The following EPM2A variants were observed in gnomAD, a reference collection of about 807,000 sequenced individuals.
EPM2A encodes the protein EPM2A glucan phosphatase, laforin, also known as laforin.
In EPM2A, 21 loss-of-function variants were observed where a neutral mutation model predicts 26.5. The ratio of observed to expected loss-of-function variants is 0.79; its 90% confidence interval spans 0.56 to 1.14. The LOEUF is 1.14. EPM2A is among the 50% of genes most tolerant of loss of function. EPM2A has a pLI of 0.00. For missense variants in EPM2A, 458 were observed against 440.8 expected, an observed-to-expected ratio of 1.04 and a Z score of -0.35; for synonymous variants, 217 against 177.6, an observed-to-expected ratio of 1.22 and a Z score of -1.76.
At chr6:145,410,920 G>C (rs542073003) in intron 4 of EPM2A, among the ~76,000 whole-genome samples, 1 of 152,294 alleles carries the variant, frequency 6.6e-6, no homozygotes, top group South Asian at 2.1e-4. Flanking sequence ...TTATTGTTAT[G>C]AATAGTATAT....
intron 4 of EPM2A, among the ~76,000 whole-genome samples, chr6:145,436,450 T>C (rs1210943319): frequency 6.6e-6 from 1 of 152,174 alleles, no homozygotes; most frequent in Non-Finnish European, 1.5e-5. Flanking sequence ...ACCATTTACA[T>C]TTCCACCAGC....
chr6:145,597,617 G>A (rs1402602717), intron 2 of EPM2A, among the ~76,000 whole-genome samples: 1 of 151,684 alleles, frequency 6.6e-6, no homozygotes, highest in Admixed American at 6.6e-5. Flanking sequence ...TACATGTGAA[G>A]GTTTGTTACA....
In EPM2A at chr6:145,646,342, T is replaced by A. The variant is rs1777461419; in HGVS notation, c.477-10856A>T. 5.3e-5 allele frequency among the ~76,000 whole-genome samples: 8 copies of A among 151,654 alleles called. No individual in the cohort carries two copies. The South Asian group carries it at 1.7e-3, about 32-fold the overall frequency. ...TGGCTAATTTTTTTTTTTAATTTTT[T>A]ATTTTTTGTATTTTTAGTAGAGATG... On this transcript the variant is annotated intron_variant, in intron 2 of 3. Coordinates refer to ENST00000367519, the MANE Select transcript of EPM2A (RefSeq NM_005670.4).
At chr6:145,436,327 C>G (rs569616178) in intron 4 of EPM2A, among the ~76,000 whole-genome samples, 2 of 152,128 alleles carry the variant, frequency 1.3e-5, no homozygotes, top group Admixed American at 6.5e-5. Context: ...TTTGTGTGAA[C>G]GTATCTTTTC....
At chr6:145,583,642 C>T (rs1781146213) in intron 2 of EPM2A, among the ~76,000 whole-genome samples, 1 of 152,220 alleles carries the variant, frequency 6.6e-6, no homozygotes, top group South Asian at 2.1e-4. Context: ...TCCATGCTTG[C>T]TCACATGTGA....
chr6:145,524,774 T>C (rs918625019), intron 2 of EPM2A, among the ~76,000 whole-genome samples: 5 of 152,168 alleles, frequency 3.3e-5, no homozygotes, highest in Non-Finnish European at 7.4e-5. Flanking sequence ...TTAGTTTAAT[T>C]AGGCACTACT....
At chr6:145,646,355 T>G (rs1307075448) in intron 2 of EPM2A, among the ~76,000 whole-genome samples, 2 of 151,956 alleles carry the variant, frequency 1.3e-5, no homozygotes, top group Non-Finnish European at 2.9e-5. Context: ...TTTTTGTATT[T>G]TTAGTAGAGA....
At chr6:145,720,006 G>GT (rs1481424712) in intron 1 of EPM2A, among the ~76,000 whole-genome samples, 6 of 152,000 alleles carry the variant, frequency 3.9e-5, no homozygotes, top group African/African-American at 1.2e-4. Context: ...AGTTTTTAGT[G>GT]TTTTTTTATG....
intron 2 of EPM2A, among the ~76,000 whole-genome samples, chr6:145,518,575 C>A (rs1430140221): frequency 1.5e-5 from 2 of 135,784 alleles, no homozygotes; most frequent in Non-Finnish European, 3.0e-5. Flanking sequence ...GGGATCAGTT[C>A]CAGATTGTGT....
intron 2 of EPM2A, chr6:145,671,078 A>C (rs1779601673): frequency 1.0e-6 from 1 of 985,092 alleles, no homozygotes; most frequent in African/African-American, 1.7e-5. Context: ...CTTGACTGTG[A>C]ACTATAGAAG....
Position 145,626,303 on chromosome 6 carries a change from A to T in EPM2A, c.*1113T>A. The T allele has an allele frequency of 3.0e-6, 3 of 986,530 alleles. No homozygotes were observed. The highest frequency in any genetic ancestry group is 3.6e-6 in the Non-Finnish European group (3 of 830,494). The allele number at this position is 986,530 out of a possible 1,614,324, so 61.1% of individuals were successfully genotyped here. A position where few individuals can be genotyped will look rare whatever the true frequency, so the allele number is the denominator to read the frequency against. ...CATAGTCTGGAGGCACAGGAACTGC[A>T]TATTATACTAAATTGAGAGCTGAGC... On this transcript the variant is annotated 3_prime_UTR_variant, in exon 4 of 4. Coordinates refer to ENST00000367519, the MANE Select transcript of EPM2A (RefSeq NM_005670.4).
intron 1 of EPM2A, among the ~76,000 whole-genome samples, chr6:145,708,440 C>T (rs533876493): frequency 1.3e-5 from 2 of 152,230 alleles, no homozygotes; most frequent in African/African-American, 4.8e-5. Flanking sequence ...TGTATGCAGC[C>T]TAGAAACTTG....
chr6:145,719,045 C>A (rs973048090), intron 1 of EPM2A, among the ~76,000 whole-genome samples: 2 of 152,240 alleles, frequency 1.3e-5, no homozygotes, highest in African/African-American at 4.8e-5. Context: ...TAGTTCAACC[C>A]TTGTGGAAGT....
At chr6:145,492,528 A>G (rs1779768729) in intron 4 of EPM2A, among the ~76,000 whole-genome samples, 1 of 151,874 alleles carries the variant, frequency 6.6e-6, no homozygotes, top group Non-Finnish European at 1.5e-5. Context: ...GCCTTCATCC[A>G]CACCTGTGGC....
At chr6:145,448,292 A>T (rs982064346) in intron 4 of EPM2A, among the ~76,000 whole-genome samples, 5 of 152,092 alleles carry the variant, frequency 3.3e-5, no homozygotes, top group Admixed American at 2.0e-4. Flanking sequence ...TGTCTTTAGC[A>T]TTTTCTATCT....
intron 4 of EPM2A, among the ~76,000 whole-genome samples, chr6:145,425,478 AGTC>A (rs1778843495): frequency 6.6e-6 from 1 of 152,030 alleles, no homozygotes; most frequent in Non-Finnish European, 1.5e-5. Flanking sequence ...CCTGGCTATA[AGTC>A]ATTTTCTGAA....
chr6:145,419,476 T>C (rs1262358784), intron 4 of EPM2A, among the ~76,000 whole-genome samples: 1 of 152,156 alleles, frequency 6.6e-6, no homozygotes, highest in African/African-American at 2.4e-5. Context: ...ATTGGAAGAA[T>C]GGTTGCAAAA....
intron 2 of EPM2A, among the ~76,000 whole-genome samples, chr6:145,576,752 C>T (rs1781037567): frequency 6.6e-6 from 1 of 151,948 alleles, no homozygotes; most frequent in South Asian, 2.1e-4. Context: ...TATGTTAATA[C>T]TTAAAACTTG....
intron 4 of EPM2A, among the ~76,000 whole-genome samples, chr6:145,442,301 C>T (rs9484993): frequency 0.056 from 8,500 of 152,140 alleles, 786 homozygotes; most frequent in African/African-American, 0.19. Context: ...AACCCCACTC[C>T]CGGTACCAAT....
Sources: allele counts gnomAD v4.1 joint callset (sites outside exome capture counted in the v4.1 genomes callset), GRCh38; gene constraint gnomAD v4.1.1; transcripts MANE v1.5; gene names NCBI Gene and HGNC (gene_info 2026-07-23, HGNC 2026-07-21).